The following LRRC15 variants were observed in gnomAD, a reference collection of about 807,000 sequenced individuals.
LRRC15 encodes leucine-rich repeat-containing protein 15.
LRRC15 carries 5 observed loss-of-function variants against 4.3 expected under a neutral mutation model. That is an observed-to-expected ratio of 1.16 (90% CI 0.61 to 2.44). The LOEUF is 2.44. LRRC15 is among the 30% of genes most tolerant of loss of function. The pLI is 0.01. For missense variants in LRRC15, 769 were observed against 747.0 expected (o/e 1.03, Z -0.34); for synonymous variants, 337 against 323.2 (o/e 1.04, Z -0.46).
rs779863776 is a variant in LRRC15, at chr3:194,360,504, C to T, written c.540G>A (p.Leu180=). Residue 180 remains leucine (L), a synonymous_variant, in exon 2 of 2, where the codon CTG becomes CTA. Coordinates refer to ENST00000347624, the MANE Select transcript of LRRC15 (RefSeq NM_130830.5). Reference sequence around the variant, plus strand: ...AGATGTGGGTGAGGCTATTCTTGCCCAGATTGAGCTTCGTGAGTCCTACCA... The same window carrying T: ...AGATGTGGGTGAGGCTATTCTTGCCTAGATTGAGCTTCGTGAGTCCTACCA... ...DHLVGLTKLN[L]GKNSLTHISP... is the part of the protein sequence containing the mutation. 7 of 1,614,094 alleles carry T rather than the reference C, an allele frequency of 4.3e-6. No homozygotes were observed. The highest frequency in any genetic ancestry group is 5.9e-6 in the Non-Finnish European group (7 of 1,180,010).
Position 194,359,483 on chromosome 3 carries a change from T to C in LRRC15, c.1561A>G (p.Ile521Val), listed in dbSNP as rs771462006. The C allele has an allele frequency of 6.2e-7, 1 of 1,614,230 alleles. No individual in the cohort carries two copies. The highest frequency in any genetic ancestry group is 1.7e-5 in the Admixed American group (1 of 60,026). The stretch of plus-strand genomic sequence containing the variant: ...ACGCTGCGGTCATCAGTGACCTGAA[T>C]GGTAGTCAGATCAGTGTAGTCTTCC... ...PVEDYTDLTT[I>V]QVTDDRSVWG... Residue 521 changes from isoleucine (I) to valine (V), a missense_variant, in exon 2 of 2, where the codon ATT (isoleucine) becomes GTT (valine). Physicochemically the swap from Ile to Val is conservative, Grantham distance 29. Coordinates refer to ENST00000347624, the MANE Select transcript of LRRC15 (RefSeq NM_130830.5).
intron 1 of LRRC15, among the ~76,000 whole-genome samples, chr3:194,363,051 C>A (rs1337193645): frequency 6.6e-6 from 1 of 151,118 alleles, no homozygotes; most frequent in Non-Finnish European, 1.5e-5. Context: ...AAGGGATTCT[C>A]CTGCCTCAGC....
rs530396701 is a variant in LRRC15, at chr3:194,363,491, T to C, written c.-3-2445A>G. ...CAGAAAACAAGCTGCCTAAACAGAATACACCAAAAAAAGTGGCTCAATATT... is the reference window on the plus strand; with the variant it reads ...CAGAAAACAAGCTGCCTAAACAGAACACACCAAAAAAAGTGGCTCAATATT... On this transcript the variant is annotated intron_variant, in intron 1 of 1. Transcript: ENST00000347624. The C allele has an allele frequency of 1.0e-4, 55 of 529,416 alleles. No individual in the cohort carries two copies. The African/African-American group carries it at 1.0e-3, about 10-fold the overall frequency. The allele number at this position is 529,416 out of a possible 1,614,324, so 32.8% of individuals were successfully genotyped here. A position where few individuals can be genotyped will look rare whatever the true frequency, so the allele number is the denominator to read the frequency against.
In LRRC15 at chr3:194,359,950, G is replaced by A; in HGVS notation, c.1094C>T (p.Ala365Val). 1.5e-5 allele frequency: 25 copies of A among 1,614,206 alleles called. No individual in the cohort carries two copies. Among genetic ancestry groups the A allele is most frequent in the Non-Finnish European group, 2.1e-5 (25 of 1,180,042 alleles). ...DLDGNVFRML[A>V]NLQNISLQNN... is the part of the protein sequence containing the mutation. ...CTGCAGGGAGATGTTCTGCAGGTTG[G>A]CCAACATGCGGAAGACGTTCCCGTC... The change falls in exon 2 of 2, where the codon GCC becomes GTC. Residue 365 changes from alanine to valine, a missense_variant. By Grantham distance (64) the Ala-to-Val change is moderately conservative. Coordinates refer to ENST00000347624, the MANE Select transcript of LRRC15 (RefSeq NM_130830.5).
rs13060627 is a variant in LRRC15 at position 194,360,254 on chromosome 3, C to T, written c.790G>A (p.Val264Ile). The change falls in exon 2 of 2, where the codon GTC (valine) becomes ATC (isoleucine). Residue 264 changes from valine to isoleucine, a missense_variant. Transcript: ENST00000347624. The part of the protein sequence containing the change: ...NNHISQLPPS[V>I]FMQLPQLNRL... ...TTGAGCTGGGGCAGCTGCATGAAGACGCTGGGTGGCAGCTGGGAGATGTGG... is the reference window on the plus strand; with the variant it reads ...TTGAGCTGGGGCAGCTGCATGAAGATGCTGGGTGGCAGCTGGGAGATGTGG... 0.24 allele frequency: 389,109 copies of T among 1,613,796 alleles called. 49,309 individuals carry two copies. The highest frequency in any genetic ancestry group is 0.26 in the Non-Finnish European group (311,698 of 1,179,862).
intron 1 of LRRC15, among the ~76,000 whole-genome samples, 155 bp downstream of exon 1, chr3:194,369,506 A>G (rs962670157): frequency 8.7e-6 from 1 of 114,706 alleles, no homozygotes; most frequent in African/African-American, 3.3e-5. Flanking sequence ...CCTCCAGCAC[A>G]GGCTGCTTCT....
At position 194,359,093 on chromosome 3, in the gene LRRC15, T is replaced by C; in HGVS notation, c.*205A>G. Reference sequence around the variant, plus strand: ...GGCTTTTGCCATGGCCAGTTGGATCTATCTTCCTGATTGTAGGAAGGTCCG... The same window carrying C: ...GGCTTTTGCCATGGCCAGTTGGATCCATCTTCCTGATTGTAGGAAGGTCCG... On this transcript the variant is annotated 3_prime_UTR_variant, in exon 2 of 2. Coordinates refer to ENST00000347624, the MANE Select transcript of LRRC15 (RefSeq NM_130830.5). 1 of 505,412 alleles carries C rather than the reference T, an allele frequency of 2.0e-6. No individual in the cohort carries two copies. The highest frequency in any genetic ancestry group is 3.4e-6 in the Non-Finnish European group (1 of 291,260). 31.3% of individuals were successfully genotyped at this position (505,412 alleles called of 1,614,324 possible).
At chr3:194,367,218 C>T (rs974419646) in intron 1 of LRRC15, among the ~76,000 whole-genome samples, 1 of 152,152 alleles carries the variant, frequency 6.6e-6, no homozygotes, top group Non-Finnish European at 1.5e-5. Context: ...GGTGTTGACC[C>T]CTGTAATCTC....
intron 1 of LRRC15, among the ~76,000 whole-genome samples, chr3:194,368,929 C>G (rs1713863789): frequency 6.6e-6 from 1 of 152,366 alleles, no homozygotes; most frequent in East Asian, 1.9e-4. Flanking sequence ...CCTGCCCTGA[C>G]TCCCTGCTCA....
At position 194,359,473 on chromosome 3, in the gene LRRC15, G is replaced by A; in HGVS notation, c.1571C>T (p.Thr524Ile). 1 of 1,614,254 alleles carries A rather than the reference G, an allele frequency of 6.2e-7. No individual in the cohort carries two copies. The highest frequency in any genetic ancestry group is 8.5e-7 in the Non-Finnish European group (1 of 1,180,050). The change falls in exon 2 of 2, where the codon ACT (threonine) becomes ATT (isoleucine). Residue 524 changes from threonine to isoleucine, a missense_variant. Thr to Ile is a moderately conservative substitution (Grantham distance 89). Coordinates refer to ENST00000347624, the MANE Select transcript of LRRC15 (RefSeq NM_130830.5). ...DYTDLTTIQV[T>I]DDRSVWGMTQ... ...CATGCCCCAAACGCTGCGGTCATCA[G>A]TGACCTGAATGGTAGTCAGATCAGT...
chr3:194,358,955 G>C lies in LRRC15; in HGVS notation c.*343C>G, dbSNP rs1713510571. Reference sequence around the variant, plus strand: ...GCTGTGGACTAACTGAGTCTACAGAGGCCCGGAGGGGGCCTGGGCGCAGGG... The same window carrying C: ...GCTGTGGACTAACTGAGTCTACAGACGCCCGGAGGGGGCCTGGGCGCAGGG... On this transcript the variant is annotated 3_prime_UTR_variant, in exon 2 of 2. Transcript: ENST00000347624. The C allele has an allele frequency of 4.3e-6, 1 of 235,126 alleles. No homozygotes were observed. The highest frequency in any genetic ancestry group is 8.3e-6 in the Non-Finnish European group (1 of 120,366). The allele number at this position is 235,126 out of a possible 1,614,324, so 14.6% of individuals were successfully genotyped here.
At chr3:194,367,782 C>G (rs1384897900) in intron 1 of LRRC15, among the ~76,000 whole-genome samples, 1 of 152,264 alleles carries the variant, frequency 6.6e-6, no homozygotes, top group Non-Finnish European at 1.5e-5. Flanking sequence ...CCACCTTGAT[C>G]AAGCGGGGAC....
chr3:194,360,004 G>C lies in LRRC15; in HGVS notation c.1040C>G (p.Ser347Cys), dbSNP rs760174327. The C allele has an allele frequency of 3.7e-6, 6 of 1,614,216 alleles. No individual in the cohort carries two copies. The highest frequency in any genetic ancestry group is 1.6e-4 in the Middle Eastern group (1 of 6,062). ...FNGLTELREL[S>C]LHTNALQDLD... Reference sequence around the variant, plus strand: ...GTCCTGCAGTGCGTTGGTGTGGAGGGACAGCTCCCGAAGCTCCGTTAGCCC... The same window carrying C: ...GTCCTGCAGTGCGTTGGTGTGGAGGCACAGCTCCCGAAGCTCCGTTAGCCC... The change falls in exon 2 of 2, where the codon TCC becomes TGC. Residue 347 changes from serine (S) to cysteine (C), a missense_variant. By Grantham distance (112) the Ser-to-Cys change is moderately radical. Transcript: ENST00000347624.
At position 194,359,412 on chromosome 3, in the gene LRRC15, A is replaced by G. The variant is rs762584945; in HGVS notation, c.1632T>C (p.Ile544=). Residue 544 remains isoleucine (I), a synonymous_variant, in exon 2 of 2, where the codon ATT becomes ATC. Transcript: ENST00000347624. ...QAQSGLAIAA[I]VIGIVALACS... Reference sequence around the variant, plus strand: ...AGGCCAGGGCGACAATGCCAATTACAATGGCGGCAATGGCCAGCCCGCTCT... The same window carrying G: ...AGGCCAGGGCGACAATGCCAATTACGATGGCGGCAATGGCCAGCCCGCTCT... 3.7e-6 allele frequency: 6 copies of G among 1,614,156 alleles called. No individual in the cohort carries two copies. The highest frequency in any genetic ancestry group is 5.1e-6 in the Non-Finnish European group (6 of 1,180,022).
chr3:194,368,505 G>A (rs571222592), intron 1 of LRRC15, among the ~76,000 whole-genome samples: 35 of 152,262 alleles, frequency 2.3e-4, no homozygotes, highest in Non-Finnish European at 4.6e-4. Context: ...GTCTGGCCCT[G>A]AATTTACTCC....
At chr3:194,363,248 A>T in intron 1 of LRRC15, 1 of 568,942 alleles carries the variant, frequency 1.8e-6, no homozygotes, top group Non-Finnish European at 3.2e-6. Context: ...CAAGACCTTG[A>T]TTTTTTTACT....
In LRRC15 at chr3:194,361,174, T is replaced by C; in HGVS notation, c.-3-128A>G. On this transcript the variant is annotated intron_variant, in intron 1 of 1. Transcript: ENST00000347624. Reference sequence around the variant, plus strand: ...ACCCCATCATCACATACTGAACACATGCTCTCTCTGCTCTGAACAGGAAGC... The same window carrying C: ...ACCCCATCATCACATACTGAACACACGCTCTCTCTGCTCTGAACAGGAAGC... 3 of 717,068 alleles carry C rather than the reference T, an allele frequency of 4.2e-6. No homozygotes were observed. In the South Asian group the frequency reaches 6.8e-5, roughly 16 times the overall value. 44.4% of individuals were successfully genotyped at this position (717,068 alleles called of 1,614,324 possible). A position where few individuals can be genotyped will look rare whatever the true frequency, so the allele number is the denominator to read the frequency against.
chr3:194,366,961 C>T (rs146381930), intron 1 of LRRC15, among the ~76,000 whole-genome samples: 57 of 152,198 alleles, frequency 3.7e-4, no homozygotes, highest in African/African-American at 1.3e-3. Context: ...TTGTCAACCA[C>T]ACGCCTGGCA....
rs4974532 is a variant in LRRC15 at position 194,358,353 on chromosome 3, C to T, written c.*945G>A. 1.3e-5 allele frequency: 2 copies of T among 152,182 alleles called. No individual in the cohort carries two copies. The highest frequency in any genetic ancestry group is 2.4e-5 in the African/African-American group (1 of 41,442). 9.4% of individuals were successfully genotyped at this position (152,182 alleles called of 1,614,324 possible). ...ACTATCATGTTCCCACTTTTCTGCA[C>T]GTACACTTCACATGCTTCAATTAAA... On this transcript the variant is annotated 3_prime_UTR_variant, in exon 2 of 2. Coordinates refer to ENST00000347624, the MANE Select transcript of LRRC15 (RefSeq NM_130830.5).
Sources: allele counts gnomAD v4.1 joint callset (sites outside exome capture counted in the v4.1 genomes callset), GRCh38; gene constraint gnomAD v4.1.1; transcripts MANE v1.5; gene names NCBI Gene and HGNC (gene_info 2026-07-23, HGNC 2026-07-21).